The following PEX2 variants were observed in gnomAD, a reference collection of about 807,000 sequenced individuals.
PEX2 encodes peroxisome biogenesis factor 2.
PEX2 carries 19 observed loss-of-function variants against 25.2 expected under a neutral mutation model. That is an observed-to-expected ratio of 0.75 (90% confidence interval 0.53 to 1.10). The LOEUF (loss-of-function observed/expected upper bound fraction) is 1.10. Ranked by LOEUF, PEX2 falls within the 50% of genes least tolerant of loss-of-function variation. PEX2 has a pLI of 0.00. For missense variants in PEX2, 347 were observed against 350.6 expected, an observed-to-expected ratio of 0.99 and a Z score of 0.08; for synonymous variants, 141 against 127.7, an observed-to-expected ratio of 1.10 and a Z score of -0.70.
chr8:76,994,347 A>T (rs1807259491), intron 1 of PEX2, among the ~76,000 whole-genome samples: 1 of 152,204 alleles, frequency 6.6e-6, no homozygotes, highest in African/African-American at 2.4e-5. Flanking sequence ...AGTACAAATT[A>T]TGAATGAATA....
At chr8:76,999,313 A>G (rs1807426018) in intron 1 of PEX2, among the ~76,000 whole-genome samples, 1 of 152,226 alleles carries the variant, frequency 6.6e-6, no homozygotes, top group Non-Finnish European at 1.5e-5. Flanking sequence ...TTTTGCCAAA[A>G]GCCCTTTCAC....
upstream of PEX2, chr8:77,000,103 C>T (rs367767138): frequency 1.1e-5 from 4 of 376,276 alleles, no homozygotes; most frequent in African/African-American, 4.3e-5. Context: ...AACTCGCAGG[C>T]TTCCGGAGCG....
At chr8:76,991,549 T>C (rs767042310) in intron 1 of PEX2, among the ~76,000 whole-genome samples, 1 of 152,218 alleles carries the variant, frequency 6.6e-6, no homozygotes. Context: ...TTTTCCAACA[T>C]TTTAGTCATT....
intron 1 of PEX2, among the ~76,000 whole-genome samples, chr8:76,990,166 C>T (rs1807126187): frequency 6.6e-6 from 1 of 152,178 alleles, no homozygotes; most frequent in South Asian, 2.1e-4. Flanking sequence ...CCTCTGCTAG[C>T]TTCCACCTTT....
At chr8:76,991,284 G>A (rs1365039576) in intron 1 of PEX2, among the ~76,000 whole-genome samples, 4 of 152,014 alleles carry the variant, frequency 2.6e-5, no homozygotes, top group Admixed American at 6.6e-5. Flanking sequence ...GACCTAAAAC[G>A]GTCTTTAACC....
At position 76,982,016 on chromosome 8, in the gene PEX2, T is replaced by C. The variant is rs1321137513; in HGVS notation, c.*1245A>G. 3.3e-5 allele frequency: 5 copies of C among 152,200 alleles called. No homozygotes were observed. In the East Asian group the frequency reaches 7.7e-4, roughly 23 times the overall value. The allele number at this position is 152,200 out of a possible 1,614,324, so 9.4% of individuals were successfully genotyped here. On this transcript the variant is annotated 3_prime_UTR_variant, in exon 4 of 4. Coordinates refer to ENST00000357039, the MANE Select transcript of PEX2 (RefSeq NM_000318.3). Reference sequence around the variant, plus strand: ...GCTACATCAGTACCTGGCACCTGAGTACTTGTTCAATGAAAGGTGAAGAGA... The same window carrying C: ...GCTACATCAGTACCTGGCACCTGAGCACTTGTTCAATGAAAGGTGAAGAGA...
chr8:76,986,943 A>G, intron 2 of PEX2, among the ~76,000 whole-genome samples: 1 of 152,210 alleles, frequency 6.6e-6, no homozygotes. Context: ...GGCACTCTAC[A>G]AACACTAGAT....
intron 1 of PEX2, among the ~76,000 whole-genome samples, chr8:76,989,401 C>T (rs1358011396): frequency 6.6e-6 from 1 of 152,166 alleles, no homozygotes; most frequent in Non-Finnish European, 1.5e-5. Flanking sequence ...GATATGTTGA[C>T]CTTCTCTCAC....
upstream of PEX2, chr8:77,000,161 A>C: frequency 3.0e-6 from 1 of 329,720 alleles, no homozygotes; most frequent in Non-Finnish European, 5.9e-6. Flanking sequence ...AGTTACACCA[A>C]CGAGAACTGC....
At chr8:76,984,379 G>A (rs1454409559) in intron 3 of PEX2, among the ~76,000 whole-genome samples, 184 bp from the exon 4 acceptor site, 1 of 152,088 alleles carries the variant, frequency 6.6e-6, no homozygotes, top group Non-Finnish European at 1.5e-5. Flanking sequence ...TCGTCTCTCA[G>A]AGCCTTTCTT....
intron 1 of PEX2, chr8:76,999,688 A>G: frequency 5.4e-6 from 2 of 367,598 alleles, no homozygotes; most frequent in East Asian, 7.3e-5. Flanking sequence ...CAAATGAGAG[A>G]AAAAGATTTC....
In PEX2 at chr8:76,980,566, A is replaced by AGCTATAGTGGCTGGTTCAGGAAT. The variant is rs1806788322; in HGVS notation, c.*2672_*2694dup. The AGCTATAGTGGCTGGTTCAGGAAT allele has an allele frequency of 6.6e-6, 1 of 152,182 alleles. No individual in the cohort carries two copies. Among genetic ancestry groups the AGCTATAGTGGCTGGTTCAGGAAT allele is most frequent in the Non-Finnish European group, 1.5e-5 (1 of 68,060 alleles). The allele number at this position is 152,182 out of a possible 1,614,324, so 9.4% of individuals were successfully genotyped here. ...CCAGGAACAGTATTTTCCATCCCCT[A>AGCTATAGTGGCTGGTTCAGGAAT]GCTATAGTGGCTGGTTCAGGAATGT... is the stretch of plus-strand genomic sequence containing the variant. On this transcript the variant is annotated 3_prime_UTR_variant, in exon 4 of 4. Transcript: ENST00000357039.
chr8:76,988,966 G>T (rs1807082482), intron 1 of PEX2, among the ~76,000 whole-genome samples: 1 of 146,390 alleles, frequency 6.8e-6, no homozygotes, highest in Non-Finnish European at 1.5e-5. Flanking sequence ...GCCAAGGGAG[G>T]ATTTCTGGGC....
intron 1 of PEX2, among the ~76,000 whole-genome samples, chr8:76,999,033 G>A (rs189262142): frequency 2.0e-5 from 3 of 150,760 alleles, no homozygotes; most frequent in Admixed American, 1.3e-4. Context: ...TCTCTTTCTG[G>A]CTCAAGATCA....
rs774439315 is a variant in PEX2 at position 76,983,345 on chromosome 8, A to G, written c.834T>C (p.Phe278=). The change falls in exon 4 of 4, where the codon TTT becomes TTC. Residue 278 remains phenylalanine, a synonymous_variant. Coordinates refer to ENST00000357039, the MANE Select transcript of PEX2 (RefSeq NM_000318.3). ...AKSSFLFDVY[F]TCPKCGTEVH... Reference sequence around the variant, plus strand: ...CTTCTGTGCCACACTTAGGACAAGTAAAGTACACGTCAAATAAGAAACTAC... The same window carrying G: ...CTTCTGTGCCACACTTAGGACAAGTGAAGTACACGTCAAATAAGAAACTAC... 6.2e-7 allele frequency: 1 copy of G among 1,614,090 alleles called. No homozygotes were observed. The highest frequency in any genetic ancestry group is 1.1e-5 in the South Asian group (1 of 91,086).
Position 76,984,105 on chromosome 8 carries a change from A to C in PEX2, c.74T>G (p.Leu25Arg). The C allele has an allele frequency of 6.2e-7, 1 of 1,613,398 alleles. No individual in the cohort carries two copies. Among genetic ancestry groups the C allele is most frequent in the Non-Finnish European group, 8.5e-7 (1 of 1,179,738 alleles). Residue 25 changes from leucine (L) to arginine (R), a missense_variant, in exon 4 of 4, where the codon CTA (leucine) becomes CGA (arginine). Leu to Arg is a moderately radical substitution (Grantham distance 102, BLOSUM62 -2). Coordinates refer to ENST00000357039, the MANE Select transcript of PEX2 (RefSeq NM_000318.3). ...LRISQLDALE[L>R]NKALEQLVWS... ...AACTAGCTGCTCCAGGGCCTTGTTT[A>C]GTTCAAGTGCATCCAACTGGCTTAT...
chr8:76,987,735 G>T (rs878997727), intron 2 of PEX2, among the ~76,000 whole-genome samples: 2 of 152,162 alleles, frequency 1.3e-5, no homozygotes, highest in Admixed American at 1.3e-4. Context: ...ATCTTTGACA[G>T]CGGTGAGGTG....
intron 1 of PEX2, among the ~76,000 whole-genome samples, chr8:76,989,180 A>AT (rs1491225329): frequency 7.2e-6 from 1 of 138,570 alleles, no homozygotes; most frequent in East Asian, 2.0e-4. Flanking sequence ...CCTTCGTTTC[A>AT]AAAAAAAAAA....
rs1806849136 is a variant in PEX2, at chr8:76,982,200, A to T, written c.*1061T>A. On this transcript the variant is annotated 3_prime_UTR_variant, in exon 4 of 4. Transcript: ENST00000357039. The stretch of plus-strand genomic sequence containing the variant: ...TAAGAGTCTGAATTTACTTTTAAGT[A>T]AAAAAAGGCAGAGAAAAAGAGTGAA... 1 of 152,206 alleles carries T rather than the reference A, an allele frequency of 6.6e-6. No individual in the cohort carries two copies. The highest frequency in any genetic ancestry group is 2.1e-4 in the South Asian group (1 of 4,832). The allele number at this position is 152,206 out of a possible 1,614,324, so 9.4% of individuals were successfully genotyped here.
Sources: gnomAD v4.1 joint callset for allele counts (sites outside exome capture counted in the v4.1 genomes callset) on GRCh38, gnomAD v4.1.1 for gene constraint, MANE v1.5 for transcripts, NCBI Gene and HGNC (gene_info 2026-07-23, HGNC 2026-07-21) for gene names.